Variants in USP37 observed in about 807,000 individuals in gnomAD.
USP37 encodes ubiquitin carboxyl-terminal hydrolase 37.
Under a neutral mutation model 124.0 loss-of-function variants are expected in USP37, and 27 were observed. That is an observed-to-expected ratio of 0.22 (90% CI 0.16 to 0.30). The LOEUF (loss-of-function observed/expected upper bound fraction) is 0.30, where lower values mean the gene tolerates loss of function less well. Among genes scored for constraint, USP37 ranks in the 10% least tolerant of loss-of-function variants. USP37 has a pLI of 1.00. For synonymous variants in USP37, 365 were observed against 388.0 expected, an observed-to-expected ratio of 0.94 and a Z score of 0.70; for missense variants, 889 against 1,140.4, an observed-to-expected ratio of 0.78 and a Z score of 3.17.
intron 15 of USP37, among the ~76,000 whole-genome samples, chr2:218,486,753 T>G (rs1322605091): frequency 6.6e-6 from 1 of 151,402 alleles, no homozygotes; most frequent in Non-Finnish European, 1.5e-5. Context: ...TGAGACAGAG[T>G]CTTGCTCTGT....
intron 8 of USP37, among the ~76,000 whole-genome samples, chr2:218,535,628 A>T (rs1691586868): frequency 6.6e-6 from 1 of 151,984 alleles, no homozygotes; most frequent in Admixed American, 6.6e-5. Context: ...AGGCCGAGGC[A>T]GGTGAATCAT....
At chr2:218,474,183 T>C (rs996345897) in intron 20 of USP37, among the ~76,000 whole-genome samples, 2 of 152,140 alleles carry the variant, frequency 1.3e-5, no homozygotes, top group East Asian at 1.9e-4. Context: ...CACAAACATA[T>C]ATTAAATGCA....
At chr2:218,495,055 T>C (rs1404194837) in intron 14 of USP37, among the ~76,000 whole-genome samples, 2 of 152,072 alleles carry the variant, frequency 1.3e-5, no homozygotes, top group African/African-American at 4.8e-5. Context: ...AAAATAAAAC[T>C]ATAGATTAAA....
At chr2:218,509,497 C>T (rs1689860889) in intron 11 of USP37, among the ~76,000 whole-genome samples, 1 of 151,726 alleles carries the variant, frequency 6.6e-6, no homozygotes, top group African/African-American at 2.4e-5. Flanking sequence ...GCTTATAATC[C>T]CAGCACTTTG....
chr2:218,461,145 G>T (rs879528592), intron 22 of USP37, among the ~76,000 whole-genome samples: 1 of 152,080 alleles, frequency 6.6e-6, no homozygotes, highest in Non-Finnish European at 1.5e-5. Context: ...TACATAAATG[G>T]TTATTTGCTT....
At chr2:218,564,908 T>C (rs1168839415) in intron 1 of USP37, among the ~76,000 whole-genome samples, 1 of 152,170 alleles carries the variant, frequency 6.6e-6, no homozygotes, top group Non-Finnish European at 1.5e-5. Flanking sequence ...ACAAAAATTA[T>C]TATATTTTAA....
chr2:218,553,703 C>A lies in USP37; in HGVS notation c.178G>T (p.Val60Leu). Reference protein sequence around the residue: ...IFQLSHNIKNVVLRPSGAKQS... With the variant: ...IFQLSHNIKNLVLRPSGAKQS... ...TTCGCTCCACTGGGTCGAAGCACCA[C>A]ATTTTTAATGTTATGACTTAGCTAA... The change falls in exon 5 of 26, where the codon GTG becomes TTG. Residue 60 changes from valine (V) to leucine (L), a missense_variant. Val to Leu is a conservative substitution (Grantham distance 32). This residue lies in a region of USP37 where 374 missense variants were observed against 386.0 expected (regional missense o/e 0.97). Transcript: ENST00000258399. 1 of 1,610,874 alleles carries A rather than the reference C, an allele frequency of 6.2e-7. No homozygotes were observed. Among genetic ancestry groups the A allele is most frequent in the Non-Finnish European group, 8.5e-7 (1 of 1,178,314 alleles).
rs772775156 is a variant in USP37 at position 218,553,626 on chromosome 2, G to T, written c.255C>A (p.Asp85Glu). The change falls in exon 5 of 26, where the codon GAC becomes GAA. Residue 85 changes from aspartate to glutamate, a missense_variant. By Grantham distance (45) the Asp-to-Glu change is conservative. Transcript: ENST00000258399. ...TLQDNSFLSI[D>E]KVPSKDAEEM... is the part of the protein sequence containing the mutation. ...CCTCTGCATCCTTACTTGGTACTTT[G>T]TCAATAGACAAGAAGCTGTTATCTT... 3.7e-6 allele frequency: 6 copies of T among 1,613,904 alleles called. No homozygotes were observed. The highest frequency in any genetic ancestry group is 4.2e-6 in the Non-Finnish European group (5 of 1,179,920).
chr2:218,553,628 C>T lies in USP37; in HGVS notation c.253G>A (p.Asp85Asn). ...TCTGCATCCTTACTTGGTACTTTGT[C>T]AATAGACAAGAAGCTGTTATCTTGC... ...TLQDNSFLSI[D>N]KVPSKDAEEM... is the part of the protein sequence containing the mutation. Residue 85 changes from aspartate (D) to asparagine (N), a missense_variant, in exon 5 of 26, where the codon GAC (aspartate) becomes AAC (asparagine). This residue lies in a region of USP37 where 374 missense variants were observed against 386.0 expected (regional missense o/e 0.97). Transcript: ENST00000258399. The T allele has an allele frequency of 6.2e-7, 1 of 1,613,942 alleles. No homozygotes were observed.
chr2:218,498,283 C>T (rs991171510), intron 11 of USP37, 126 bp from the exon 12 acceptor site: 5 of 949,502 alleles, frequency 5.3e-6, no homozygotes, highest in African/African-American at 1.7e-5. Context: ...CATATTACTA[C>T]ACCCTAACCC....
intron 21 of USP37, 36 bp downstream of exon 21, chr2:218,465,974 A>G (rs1690294623): frequency 6.3e-7 from 1 of 1,587,310 alleles, no homozygotes; most frequent in Non-Finnish European, 8.5e-7. Context: ...CAGGAAAGGT[A>G]AGTACAGAGA....
chr2:218,496,028 T>C, intron 13 of USP37, 78 bp from the exon 14 acceptor site: 1 of 1,422,118 alleles, frequency 7.0e-7, no homozygotes, highest in Non-Finnish European at 9.5e-7. Flanking sequence ...GTGTTGTGCC[T>C]CATACCTGTA....
chr2:218,553,614 A>T lies in USP37; in HGVS notation c.267T>A (p.Ser89Arg), dbSNP rs1188088482. Residue 89 changes from serine (S) to arginine (R), a missense_variant, in exon 5 of 26, where the codon AGT (serine) becomes AGA (arginine). By Grantham distance (110) the Ser-to-Arg change is moderately radical (BLOSUM62 -1). Coordinates refer to ENST00000258399, the MANE Select transcript of USP37 (RefSeq NM_020935.3). Reference protein sequence around the residue: ...NSFLSIDKVPSKDAEEMRLFL... With the variant: ...NSFLSIDKVPRKDAEEMRLFL... ...ACAACCTCATTTCCTCTGCATCCTT[A>T]CTTGGTACTTTGTCAATAGACAAGA... 6.2e-7 allele frequency: 1 copy of T among 1,613,922 alleles called. No homozygotes were observed. The highest frequency in any genetic ancestry group is 1.1e-5 in the South Asian group (1 of 91,040).
intron 8 of USP37, among the ~76,000 whole-genome samples, chr2:218,539,691 G>A (rs765862869): frequency 6.6e-6 from 1 of 151,550 alleles, no homozygotes; most frequent in Non-Finnish European, 1.5e-5. Flanking sequence ...CTCCAGCCCA[G>A]GTAATAGAGC....
intron 22 of USP37, 82 bp from the exon 23 acceptor site, chr2:218,459,987 T>C: frequency 9.7e-7 from 1 of 1,035,400 alleles, no homozygotes; most frequent in Non-Finnish European, 1.4e-6. Flanking sequence ...TCCCAACACT[T>C]TGGGAGGCCG....
rs541502643 is a variant in USP37, at chr2:218,450,970, A to G, written c.*3960T>C. On this transcript the variant is annotated 3_prime_UTR_variant, in exon 26 of 26. Transcript: ENST00000258399. ...TGAGACTGCCTGAAGTCTAGTAATCAAAGCATGCCATAAGGTGAATGATTG... is the reference window on the plus strand; with the variant it reads ...TGAGACTGCCTGAAGTCTAGTAATCGAAGCATGCCATAAGGTGAATGATTG... The G allele has an allele frequency of 1.6e-4, 24 of 152,368 alleles. No homozygotes were observed. Among genetic ancestry groups the G allele is most frequent in the Middle Eastern group, 6.8e-3 (2 of 294 alleles). The allele number at this position is 152,368 out of a possible 1,614,324, so 9.4% of individuals were successfully genotyped here. A position where few individuals can be genotyped will look rare whatever the true frequency, so the allele number is the denominator to read the frequency against.
intron 20 of USP37, among the ~76,000 whole-genome samples, chr2:218,470,651 G>C (rs1690632008): frequency 6.6e-6 from 1 of 152,190 alleles, no homozygotes; most frequent in Non-Finnish European, 1.5e-5. Context: ...CAGTCATGCC[G>C]ATCATTCTGA....
intron 11 of USP37, among the ~76,000 whole-genome samples, chr2:218,499,995 C>T (rs1364186695): frequency 6.6e-6 from 1 of 152,188 alleles, no homozygotes; most frequent in East Asian, 1.9e-4. Flanking sequence ...TATTGAACTC[C>T]AGGGCTCAAG....
intron 14 of USP37, among the ~76,000 whole-genome samples, chr2:218,494,161 C>T (rs1362492367): frequency 6.6e-6 from 1 of 152,182 alleles, no homozygotes; most frequent in Non-Finnish European, 1.5e-5. Context: ...GTGTCACAGA[C>T]TACTGATGCA....
Sources: gnomAD v4.1 joint callset for allele counts (sites outside exome capture counted in the v4.1 genomes callset) on GRCh38, gnomAD v4.1.1 for gene constraint, gnomAD v4.1.1 regional missense constraint, MANE v1.5 for transcripts, NCBI Gene and HGNC (gene_info 2026-07-23, HGNC 2026-07-21) for gene names.